KATNAL1: variants seen among roughly 807,000 people sequenced by gnomAD.
KATNAL1 encodes the protein katanin catalytic subunit A1 like 1.
KATNAL1 carries 32 observed loss-of-function variants against 55.2 expected under a neutral mutation model. The observed-to-expected ratio is 0.58, with a 90% CI of 0.44 to 0.78. KATNAL1 has a LOEUF of 0.78. Among genes scored for constraint, KATNAL1 ranks in the 30% least tolerant of loss-of-function variants. The pLI is 0.00. For missense variants in KATNAL1, 466 were observed against 600.9 expected (o/e 0.78, Z 2.35); for synonymous variants, 193 against 193.6 (o/e 1.00, Z 0.02).
intron 1 of KATNAL1, among the ~76,000 whole-genome samples, chr13:30,290,754 G>A (rs890882126): frequency 3.9e-5 from 6 of 152,030 alleles, no homozygotes; most frequent in African/African-American, 1.2e-4. Flanking sequence ...ACCCAGTGAC[G>A]AAATAGATAA....
chr13:30,253,156 T>C (rs984830576), intron 4 of KATNAL1, among the ~76,000 whole-genome samples: 4 of 152,214 alleles, frequency 2.6e-5, no homozygotes, highest in Non-Finnish European at 4.4e-5. Flanking sequence ...AACTTCAGTA[T>C]CCTAATGAAT....
At chr13:30,220,318 G>A (rs1185021922) in intron 9 of KATNAL1, among the ~76,000 whole-genome samples, 2 of 152,040 alleles carry the variant, frequency 1.3e-5, no homozygotes, top group African/African-American at 2.4e-5. Flanking sequence ...AAAGTTAGCT[G>A]GGTGTGGGGT....
At chr13:30,289,035 A>G (rs1881971244) in intron 1 of KATNAL1, among the ~76,000 whole-genome samples, 1 of 152,202 alleles carries the variant, frequency 6.6e-6, no homozygotes, top group Non-Finnish European at 1.5e-5. Flanking sequence ...TTTTACTACC[A>G]TCAGTTATAA....
At chr13:30,239,838 ACCACG>A (rs1453071239) in intron 6 of KATNAL1, among the ~76,000 whole-genome samples, 1 of 151,976 alleles carries the variant, frequency 6.6e-6, no homozygotes, top group Admixed American at 6.6e-5. Context: ...GGCATGCACC[ACCACG>A]CCCAGCTAAT....
chr13:30,283,534 A>G, intron 2 of KATNAL1, 82 bp downstream of exon 2: 1 of 1,278,906 alleles, frequency 7.8e-7, no homozygotes, highest in Non-Finnish European at 1.1e-6. Context: ...TCAAACTCAA[A>G]ATTAGATTTT....
chr13:30,214,079 C>T (rs888959528), intron 9 of KATNAL1, among the ~76,000 whole-genome samples: 2 of 152,202 alleles, frequency 1.3e-5, no homozygotes, highest in African/African-American at 2.4e-5. Context: ...AGCAAAGTCT[C>T]AGGATACAAA....
At chr13:30,271,402 C>A (rs922626871) in intron 3 of KATNAL1, among the ~76,000 whole-genome samples, 1 of 152,144 alleles carries the variant, frequency 6.6e-6, no homozygotes, top group African/African-American at 2.4e-5. Flanking sequence ...GTACAGGAAA[C>A]TGGCATCTGC....
intron 1 of KATNAL1, among the ~76,000 whole-genome samples, chr13:30,286,212 T>C (rs1190507559): frequency 6.6e-6 from 1 of 152,200 alleles, no homozygotes; most frequent in Non-Finnish European, 1.5e-5. Context: ...CAAAAGCTAA[T>C]CACCAAGACA....
chr13:30,238,699 T>C, intron 6 of KATNAL1, among the ~76,000 whole-genome samples: 1 of 152,166 alleles, frequency 6.6e-6, no homozygotes, highest in East Asian at 1.9e-4. Context: ...GTACCACCCA[T>C]TAGGCTCTGC....
At chr13:30,226,801 G>A (rs1191103637) in intron 9 of KATNAL1, among the ~76,000 whole-genome samples, 1 of 152,176 alleles carries the variant, frequency 6.6e-6, no homozygotes, top group Non-Finnish European at 1.5e-5. Context: ...TCCAGGCTGG[G>A]CGTGGTGGTT....
At chr13:30,292,762 T>G (rs1334621612) in intron 1 of KATNAL1, among the ~76,000 whole-genome samples, 1 of 152,044 alleles carries the variant, frequency 6.6e-6, no homozygotes. Flanking sequence ...GAGAAAAAAT[T>G]TTTGCAACTG....
At chr13:30,290,784 G>A (rs1271435515) in intron 1 of KATNAL1, among the ~76,000 whole-genome samples, 2 of 152,040 alleles carry the variant, frequency 1.3e-5, no homozygotes, top group Admixed American at 6.6e-5. Context: ...ACCCAGTGAC[G>A]TTTTCCCCAA....
chr13:30,270,008 C>T (rs1177112676), intron 3 of KATNAL1, among the ~76,000 whole-genome samples: 6 of 146,962 alleles, frequency 4.1e-5, no homozygotes, highest in African/African-American at 1.0e-4. Flanking sequence ...CCAGCCGCCC[C>T]GTCCGGGAGG....
intron 3 of KATNAL1, among the ~76,000 whole-genome samples, chr13:30,256,565 T>A (rs1185349414): frequency 6.6e-6 from 1 of 152,160 alleles, no homozygotes; most frequent in South Asian, 2.1e-4. Flanking sequence ...GCCTCACACT[T>A]ATAATTCACC....
intron 8 of KATNAL1, among the ~76,000 whole-genome samples, chr13:30,230,221 C>T (rs1875954564): frequency 6.6e-6 from 1 of 152,140 alleles, no homozygotes; most frequent in African/African-American, 2.4e-5. Context: ...AGAAACTTTG[C>T]TCCAAACAGT....
In KATNAL1 at chr13:30,265,103, C is replaced by G. The variant is rs1297864318; in HGVS notation, c.324-9488G>C. ...ATGGATGAAATTGGAAATCATCATT[C>G]TCAGTAAACTATCGCAAGAACAAAA... On this transcript the variant is annotated intron_variant, in intron 3 of 10. Coordinates refer to ENST00000380615, the MANE Select transcript of KATNAL1 (RefSeq NM_032116.5). Among the ~76,000 whole-genome samples the G allele has an allele frequency of 2.0e-5, 3 of 151,182 alleles. No homozygotes were observed. The East Asian group carries it at 5.9e-4, about 30-fold the overall frequency.
chr13:30,305,251 G>C (rs10492465), intron 1 of KATNAL1, among the ~76,000 whole-genome samples: 3 of 152,028 alleles, frequency 2.0e-5, no homozygotes, highest in Non-Finnish European at 2.9e-5. Flanking sequence ...CCCACTAATT[G>C]CAAGTATTCT....
intron 9 of KATNAL1, chr13:30,210,699 A>T (rs1873612804): frequency 3.7e-6 from 1 of 266,980 alleles, no homozygotes. Context: ...TTTTCTTTAA[A>T]GACTGTGAAG....
chr13:30,276,053 T>C (rs1286132654), intron 3 of KATNAL1, among the ~76,000 whole-genome samples: 1 of 152,172 alleles, frequency 6.6e-6, no homozygotes, highest in Non-Finnish European at 1.5e-5. Flanking sequence ...TATTATAAAA[T>C]CATTTCGTTA....
Sources: allele counts gnomAD v4.1 joint callset (sites outside exome capture counted in the v4.1 genomes callset), GRCh38; gene constraint gnomAD v4.1.1; transcripts MANE v1.5; gene names NCBI Gene and HGNC (gene_info 2026-07-23, HGNC 2026-07-21).